TRDN: variants seen among roughly 807,000 people sequenced by gnomAD.
TRDN encodes triadin in skeletal muscle.
TRDN carries 161 observed loss-of-function variants against 149.7 expected under a neutral mutation model. The observed-to-expected ratio is 1.08, with a 90% confidence interval of 0.95 to 1.23. The LOEUF is 1.23. Ranked by LOEUF, TRDN falls within the 50% of genes most tolerant of loss-of-function variation. The pLI is 0.00. For synonymous variants in TRDN, 294 were observed against 250.5 expected (o/e 1.17, Z -1.64); for missense variants, 896 against 823.5 (o/e 1.09, Z -1.08).
chr6:123,537,983 G>A (rs1022056217), intron 4 of TRDN, among the ~76,000 whole-genome samples: 1 of 151,992 alleles, frequency 6.6e-6, no homozygotes, highest in Admixed American at 6.6e-5. Flanking sequence ...TATTAATATG[G>A]CAAACTGTTA....
At chr6:123,490,004 A>G (rs1210526521) in intron 9 of TRDN, among the ~76,000 whole-genome samples, 2 of 152,158 alleles carry the variant, frequency 1.3e-5, no homozygotes, top group African/African-American at 4.8e-5. Flanking sequence ...AAGATATTTC[A>G]AAATTATTAA....
At chr6:123,503,564 T>C (rs1778789650) in intron 8 of TRDN, 155 bp downstream of exon 8, 1 of 1,439,884 alleles carries the variant, frequency 6.9e-7, no homozygotes, top group Admixed American at 2.9e-5. Context: ...TAATTCCCAA[T>C]TTACTGTATT....
At chr6:123,568,382 G>A (rs910431509) in intron 2 of TRDN, among the ~76,000 whole-genome samples, 4 of 152,164 alleles carry the variant, frequency 2.6e-5, no homozygotes, top group African/African-American at 9.6e-5. Context: ...CCTTCCCACA[G>A]CTCCACTAGG....
intron 1 of TRDN, among the ~76,000 whole-genome samples, chr6:123,597,671 C>G (rs572177161): frequency 3.9e-4 from 60 of 152,182 alleles, no homozygotes; most frequent in African/African-American, 1.4e-3. Flanking sequence ...CAGCAGACAT[C>G]AACATCAAGG....
At chr6:123,464,777 A>G in intron 10 of TRDN, 129 bp downstream of exon 10, 1 of 1,467,518 alleles carries the variant, frequency 6.8e-7, no homozygotes, top group Non-Finnish European at 9.0e-7. Context: ...AGTATAGTTT[A>G]GACATACTAA....
chr6:123,522,437 TGG>T (rs10711374), intron 5 of TRDN, among the ~76,000 whole-genome samples: 7 of 149,430 alleles, frequency 4.7e-5, no homozygotes, highest in Admixed American at 2.0e-4. Context: ...AACAACTACA[TGG>T]GGGGGGAAAG....
intron 5 of TRDN, chr6:123,529,505 A>T: frequency 1.4e-6 from 1 of 735,278 alleles, no homozygotes; most frequent in Non-Finnish European, 2.3e-6. Context: ...AAAAGAAAGC[A>T]CATGAAGTAT....
chr6:123,496,125 A>G (rs995036095), intron 9 of TRDN, among the ~76,000 whole-genome samples: 35 of 147,100 alleles, frequency 2.4e-4, no homozygotes, highest in African/African-American at 7.9e-4. Context: ...TATAATATAT[A>G]TTTATAAATT....
chr6:123,330,685 G>A (rs1426630190), intron 23 of TRDN, among the ~76,000 whole-genome samples: 2 of 151,920 alleles, frequency 1.3e-5, no homozygotes, highest in Non-Finnish European at 2.9e-5. Context: ...AAATCATGTT[G>A]TGTTCTTACA....
intron 10 of TRDN, among the ~76,000 whole-genome samples, chr6:123,461,741 G>A (rs1776461344): frequency 1.3e-5 from 2 of 152,134 alleles, no homozygotes; most frequent in South Asian, 4.1e-4. Flanking sequence ...CAGTTCTTGA[G>A]GTAACAGGTT....
In TRDN at chr6:123,444,707, T is replaced by C. The variant is rs1485366850; in HGVS notation, c.932-5704A>G. On this transcript the variant is annotated intron_variant, in intron 10 of 40. Coordinates refer to ENST00000334268, the MANE Select transcript of TRDN (RefSeq NM_006073.4). ...TGAAATACGGCCCATCAATACCTAA[T>C]TTATTGAGAGTTTTTAGCAAGAAGG... Among the ~76,000 whole-genome samples the C allele has an allele frequency of 2.6e-5, 4 of 152,258 alleles. No individual in the cohort carries two copies. The South Asian group carries it at 8.3e-4, about 32-fold the overall frequency.
chr6:123,408,684 A>T (rs1430585655), intron 12 of TRDN, among the ~76,000 whole-genome samples: 1 of 151,958 alleles, frequency 6.6e-6, no homozygotes, highest in East Asian at 1.9e-4. Flanking sequence ...TTCTCAAAAA[A>T]AAAAAAAAGA....
chr6:123,296,819 A>C (rs1778219300), intron 24 of TRDN, among the ~76,000 whole-genome samples: 1 of 152,066 alleles, frequency 6.6e-6, no homozygotes, highest in Non-Finnish European at 1.5e-5. Flanking sequence ...GCTGAACATC[A>C]GGGAAAGAAA....
chr6:123,482,736 T>G (rs559434219), intron 9 of TRDN, among the ~76,000 whole-genome samples: 1 of 152,296 alleles, frequency 6.6e-6, no homozygotes, highest in African/African-American at 2.4e-5. Flanking sequence ...TTGCACTCAC[T>G]TCCTATAAGA....
At chr6:123,247,524 T>A (rs1389668884) in intron 38 of TRDN, among the ~76,000 whole-genome samples, 3 of 151,996 alleles carry the variant, frequency 2.0e-5, no homozygotes, top group Non-Finnish European at 4.4e-5. Context: ...ATAAAATATC[T>A]AGGAATACAA....
chr6:123,620,406 G>A (rs1033647497), intron 1 of TRDN, among the ~76,000 whole-genome samples: 3 of 152,154 alleles, frequency 2.0e-5, no homozygotes, highest in African/African-American at 7.2e-5. Flanking sequence ...TGATCTGGGA[G>A]AATAAAACTT....
At chr6:123,406,692 C>T (rs1426088199) in intron 12 of TRDN, among the ~76,000 whole-genome samples, 3 of 152,032 alleles carry the variant, frequency 2.0e-5, no homozygotes, top group East Asian at 3.9e-4. Flanking sequence ...AATGTCTCTG[C>T]CTTTAAAATA....
At chr6:123,558,172 A>T (rs1583241246) in intron 2 of TRDN, among the ~76,000 whole-genome samples, 1 of 151,562 alleles carries the variant, frequency 6.6e-6, no homozygotes, top group Admixed American at 6.6e-5. Flanking sequence ...GCTTGTCCCA[A>T]ACTTCCTTCT....
chr6:123,533,737 C>T (rs1223124693), intron 4 of TRDN, among the ~76,000 whole-genome samples: 3 of 151,952 alleles, frequency 2.0e-5, no homozygotes. Flanking sequence ...GACCACCACT[C>T]AGGAGAAGGG....
Sources: gnomAD v4.1 joint callset for allele counts (sites outside exome capture counted in the v4.1 genomes callset) on GRCh38, gnomAD v4.1.1 for gene constraint, MANE v1.5 for transcripts, NCBI Gene and HGNC (gene_info 2026-07-23, HGNC 2026-07-21) for gene names.